The following USP14 variants were observed in gnomAD, a reference collection of about 807,000 sequenced individuals.
USP14 encodes ubiquitin carboxyl-terminal hydrolase 14.
In USP14, 38 loss-of-function variants were observed where a neutral mutation model predicts 76.5. That is an observed-to-expected ratio of 0.50 (90% confidence interval 0.38 to 0.65). USP14 has a LOEUF of 0.65. USP14 is among the 30% of genes least tolerant of loss of function. The pLI, the probability that USP14 is intolerant of heterozygous loss-of-function variation, is 0.00. For missense variants in USP14, 467 were observed against 586.5 expected, an observed-to-expected ratio of 0.80 and a Z score of 2.10; for synonymous variants, 192 against 191.7, an observed-to-expected ratio of 1.00 and a Z score of -0.01.
At chr18:182,235 A>C (rs1909806794) in intron 5 of USP14, among the ~76,000 whole-genome samples, 1 of 152,266 alleles carries the variant, frequency 6.6e-6, no homozygotes, top group Admixed American at 6.5e-5. Flanking sequence ...GGTGAGTATA[A>C]GTGTAACTTA....
At chr18:199,026 T>C (rs1910317378) in intron 9 of USP14, among the ~76,000 whole-genome samples, 176 bp from the exon 10 acceptor site, 1 of 152,242 alleles carries the variant, frequency 6.6e-6, no homozygotes, top group Admixed American at 6.5e-5. Flanking sequence ...TCTAGAATTG[T>C]TGGTAGCCAA....
In USP14 at chr18:176,516, C is replaced by CT. The variant is rs1015542731; in HGVS notation, c.196-2410dup. On this transcript the variant is annotated intron_variant, in intron 3 of 15. Transcript: ENST00000261601. ...CTTACCTAGTTCATTAATTTTAAGC[C>CT]TTTTTTTAAATCTCTTTTGCTCATT... 4.6e-5 allele frequency among the ~76,000 whole-genome samples: 7 copies of CT among 151,972 alleles called. No individual in the cohort carries two copies. The East Asian group carries it at 9.6e-4, about 21-fold the overall frequency.
intron 12 of USP14, 103 bp from the exon 13 acceptor site, chr18:204,461 C>T (rs558455318): frequency 9.5e-7 from 1 of 1,052,554 alleles, no homozygotes; most frequent in East Asian, 3.1e-5. Flanking sequence ...ATTTTATTTT[C>T]AACTGTATCT....
At chr18:194,816 A>T (rs1910187052) in intron 6 of USP14, among the ~76,000 whole-genome samples, 1 of 152,160 alleles carries the variant, frequency 6.6e-6, no homozygotes, top group African/African-American at 2.4e-5. Flanking sequence ...CTGTAATCCC[A>T]GCTACTCGGG....
chr18:203,000 T>C (rs1298731926), intron 11 of USP14, 55 bp downstream of exon 11: 15 of 1,604,980 alleles, frequency 9.3e-6, no homozygotes, highest in Admixed American at 1.7e-5. Context: ...ATATTTCCAG[T>C]TAATTAATTT....
chr18:203,857 C>G (rs754246606), intron 12 of USP14, among the ~76,000 whole-genome samples: 9 of 152,092 alleles, frequency 5.9e-5, no homozygotes, highest in Non-Finnish European at 1.0e-4. Context: ...TTTGGCCTCC[C>G]AAAGAGTTCC....
intron 6 of USP14, among the ~76,000 whole-genome samples, chr18:194,708 A>T (rs1910183115): frequency 6.6e-6 from 1 of 152,162 alleles, no homozygotes; most frequent in Non-Finnish European, 1.5e-5. Flanking sequence ...AGGCGGGCAG[A>T]TCACTTAAGG....
chr18:178,577 A>G (rs1215811508), intron 3 of USP14, among the ~76,000 whole-genome samples: 1 of 152,166 alleles, frequency 6.6e-6, no homozygotes, highest in Non-Finnish European at 1.5e-5. Context: ...AAGTTTCATC[A>G]CGAAAAAGTT....
At chr18:177,761 A>G (rs1301230900) in intron 3 of USP14, among the ~76,000 whole-genome samples, 1 of 152,062 alleles carries the variant, frequency 6.6e-6, no homozygotes, top group Non-Finnish European at 1.5e-5. Context: ...TATGAGCTTT[A>G]CAATGACAGT....
At chr18:171,009 TAAAAAA>T (rs145131497) in intron 3 of USP14, among the ~76,000 whole-genome samples, 7 of 91,730 alleles carry the variant, frequency 7.6e-5, no homozygotes, top group African/African-American at 1.9e-4. Context: ...CCCTGGAACT[TAAAAAA>T]AAAAAAAAAA....
chr18:163,542 C>T (rs978921180), intron 2 of USP14, 89 bp downstream of exon 2: 4 of 1,423,860 alleles, frequency 2.8e-6, no homozygotes, highest in Non-Finnish European at 3.8e-6. Flanking sequence ...TTTAATGTAG[C>T]ATTTGAAGTG....
intron 12 of USP14, among the ~76,000 whole-genome samples, chr18:204,045 T>TA (rs1910458768): frequency 6.6e-6 from 1 of 152,196 alleles, no homozygotes; most frequent in South Asian, 2.1e-4. Flanking sequence ...CTTTTGAGCT[T>TA]AAATTCTTAG....
chr18:197,779 A>G (rs771124954), intron 8 of USP14, 83 bp downstream of exon 8: 25 of 1,087,810 alleles, frequency 2.3e-5, no homozygotes, highest in African/African-American at 1.3e-4. Context: ...AAGGCTTAAA[A>G]TAAGTTCCAT....
intron 1 of USP14, 197 bp downstream of exon 1, chr18:158,911 C>T (rs955612947): frequency 2.1e-5 from 18 of 856,234 alleles, no homozygotes; most frequent in Non-Finnish European, 2.8e-5. Context: ...AGGGGAGCGC[C>T]GTCCCCCTGA....
intron 2 of USP14, among the ~76,000 whole-genome samples, 197 bp from the exon 3 acceptor site, chr18:166,590 C>T (rs1249599154): frequency 1.3e-5 from 2 of 152,168 alleles, no homozygotes; most frequent in Non-Finnish European, 2.9e-5. Flanking sequence ...GCCTCAGCCT[C>T]CCAAAGTGCT....
chr18:211,274 G>A lies in USP14; in HGVS notation c.1475G>A (p.Ser492Asn), dbSNP rs138816156. Residue 492 changes from serine to asparagine, a missense_variant, in exon 16 of 16, where the codon AGT becomes AAT. Ser to Asn is a conservative substitution (Grantham distance 46, BLOSUM62 1). Coordinates refer to ENST00000261601, the MANE Select transcript of USP14 (RefSeq NM_005151.4). ...PRRVEIMEEE[S>N]EQ is the part of the protein sequence containing the mutation. ...AGAGTTGAAATAATGGAAGAGGAAAGTGAACAGTAATCTTCATTTTAGTAT... is the reference window on the plus strand; with the variant it reads ...AGAGTTGAAATAATGGAAGAGGAAAATGAACAGTAATCTTCATTTTAGTAT... The A allele has an allele frequency of 3.7e-6, 6 of 1,607,908 alleles. No individual in the cohort carries two copies. The African/African-American group carries it at 4.0e-5, about 11-fold the overall frequency.
rs545389284 is a variant in USP14, at chr18:165,250, A to G, written c.163-1537A>G. 1.1e-4 allele frequency among the ~76,000 whole-genome samples: 17 copies of G among 152,300 alleles called. No homozygotes were observed. In the East Asian group the frequency reaches 2.1e-3, roughly 19 times the overall value. ...GCGTGAGCCACCACACCCGGCCTCT[A>G]TTATTTTTAATAATATAAGTATAGC... On this transcript the variant is annotated intron_variant, in intron 2 of 15. Transcript: ENST00000261601.
intron 10 of USP14, among the ~76,000 whole-genome samples, chr18:201,798 G>A (rs1910390983): frequency 6.6e-6 from 1 of 152,184 alleles, no homozygotes; most frequent in African/African-American, 2.4e-5. Context: ...CTAGATGATA[G>A]TGGATTGGTG....
chr18:189,608 G>T (rs1910031444), intron 5 of USP14, among the ~76,000 whole-genome samples: 1 of 151,944 alleles, frequency 6.6e-6, no homozygotes, highest in Non-Finnish European at 1.5e-5. Context: ...ACAGCCTCCT[G>T]AGTAGCTGGG....
Sources: allele counts gnomAD v4.1 joint callset (sites outside exome capture counted in the v4.1 genomes callset), GRCh38; gene constraint gnomAD v4.1.1; transcripts MANE v1.5; gene names NCBI Gene and HGNC (gene_info 2026-07-23, HGNC 2026-07-21).